Variants in YWHAQ observed in about 807,000 individuals in gnomAD.
YWHAQ encodes the protein tyrosine 3-monooxygenase/tryptophan 5-monooxygenase activation protein theta, also known as 14-3-3 protein theta.
Under a neutral mutation model 28.3 loss-of-function variants are expected in YWHAQ, and 6 were observed. The ratio of observed to expected loss-of-function variants is 0.21; its 90% CI spans 0.12 to 0.42. The LOEUF (loss-of-function observed/expected upper bound fraction) is 0.42. Ranked by LOEUF, YWHAQ falls within the 10% of genes least tolerant of loss-of-function variation. The probability of loss-of-function intolerance (pLI) is 1.00; values close to 1 mark genes in which losing one functional copy is unlikely to be tolerated. For synonymous variants in YWHAQ, 143 were observed against 119.1 expected (o/e 1.20, Z -1.31); for missense variants, 201 against 305.6 (o/e 0.66, Z 2.55).
chr2:9,605,163 G>A (rs545696514), intron 2 of YWHAQ, among the ~76,000 whole-genome samples: 42 of 132,530 alleles, frequency 3.2e-4, no homozygotes, highest in African/African-American at 1.1e-3. Context: ...TTTTGAGACA[G>A]GGTCTCACTC....
intron 5 of YWHAQ, among the ~76,000 whole-genome samples, chr2:9,586,699 T>TA: frequency 6.6e-6 from 1 of 152,232 alleles, no homozygotes; most frequent in Admixed American, 6.5e-5. Flanking sequence ...TGCTAATATT[T>TA]AAAAAATCCT....
rs930446569 is a variant in YWHAQ, at chr2:9,587,309, C to T, written c.678+105G>A. On this transcript the variant is annotated intron_variant, in intron 5 of 5. Transcript: ENST00000238081. Reference sequence around the variant, plus strand: ...ATAAAATACTAACACGTATCTCATACTTTCAGCTCGTATGTATCTTCCCTA... The same window carrying T: ...ATAAAATACTAACACGTATCTCATATTTTCAGCTCGTATGTATCTTCCCTA... 2.9e-6 allele frequency: 3 copies of T among 1,018,442 alleles called. No individual in the cohort carries two copies. The South Asian group carries it at 4.9e-5, about 17-fold the overall frequency. 63.1% of individuals were successfully genotyped at this position (1,018,442 alleles called of 1,614,324 possible).
chr2:9,630,961 G>C lies in YWHAQ; in HGVS notation c.-103C>G, dbSNP rs1286499267. 18 of 152,716 alleles carry C rather than the reference G, an allele frequency of 1.2e-4. No homozygotes were observed. Among genetic ancestry groups the C allele is most frequent in the Admixed American group, 1.2e-3 (18 of 15,288 alleles). 9.5% of individuals were successfully genotyped at this position (152,716 alleles called of 1,614,324 possible). ...CTCACCTTCACGTCTCCGCGGCCGC[G>C]ACGCGAGTCCCACCACTTTGATCTG... is the stretch of plus-strand genomic sequence containing the variant. On this transcript the variant is annotated 5_prime_UTR_variant, in exon 1 of 6. Transcript: ENST00000238081. The surrounding 1 kb of genome is among the most constrained non-coding windows in gnomAD (Gnocchi z 5.6).
rs192318359 is a variant in YWHAQ at position 9,584,715 on chromosome 2, G to A, written c.*571C>T. On this transcript the variant is annotated 3_prime_UTR_variant, in exon 6 of 6. Coordinates refer to ENST00000238081, the MANE Select transcript of YWHAQ (RefSeq NM_006826.4). ...ACTCCCTGTTGCCACAGATACACAA[G>A]ACCTCCGTATGTGATACAGGAGCCA... 1.3e-5 allele frequency: 2 copies of A among 152,608 alleles called. No individual in the cohort carries two copies. Among genetic ancestry groups the A allele is most frequent in the Non-Finnish European group, 2.9e-5 (2 of 68,102 alleles). 9.5% of individuals were successfully genotyped at this position (152,608 alleles called of 1,614,324 possible).
intron 2 of YWHAQ, among the ~76,000 whole-genome samples, chr2:9,602,864 TATATATATATATATATATATATA>T: frequency 1.2e-4 from 1 of 8,234 alleles, no homozygotes; most frequent in South Asian, 6.3e-3. Flanking sequence ...AAAAAAAAAA[TATATATATATATATATATATATA>T]TATATATATA....
At chr2:9,612,550 C>G (rs1253929191) in intron 2 of YWHAQ, among the ~76,000 whole-genome samples, 1 of 152,192 alleles carries the variant, frequency 6.6e-6, no homozygotes, top group Non-Finnish European at 1.5e-5. Flanking sequence ...AGTTGGGAAG[C>G]ATTGTCCTGA....
intron 2 of YWHAQ, among the ~76,000 whole-genome samples, chr2:9,621,604 T>TC (rs398104012): frequency 1.3e-5 from 2 of 151,962 alleles, no homozygotes; most frequent in African/African-American, 4.8e-5. Context: ...TAGTTTTTTT[T>TC]CAAAGCAAAA....
intron 2 of YWHAQ, among the ~76,000 whole-genome samples, chr2:9,611,796 G>A (rs1287366333): frequency 1.3e-5 from 2 of 152,060 alleles, no homozygotes; most frequent in Non-Finnish European, 2.9e-5. Flanking sequence ...TCAGCCACCC[G>A]AGTAGCTGGG....
At chr2:9,622,266 ATTT>A (rs890907643) in intron 2 of YWHAQ, among the ~76,000 whole-genome samples, 7 of 151,278 alleles carry the variant, frequency 4.6e-5, no homozygotes, top group African/African-American at 1.5e-4. Flanking sequence ...ATTATTCCTG[ATTT>A]TTTTTCCTAC....
intron 2 of YWHAQ, among the ~76,000 whole-genome samples, chr2:9,601,372 C>T (rs1400374734): frequency 6.6e-6 from 1 of 152,002 alleles, no homozygotes; most frequent in Admixed American, 6.6e-5. Context: ...TGAGGCAGAA[C>T]TGCTTGAACC....
intron 2 of YWHAQ, among the ~76,000 whole-genome samples, chr2:9,598,013 T>TTTTTTTA (rs1666612979): frequency 7.4e-6 from 1 of 134,998 alleles, no homozygotes; most frequent in African/African-American, 2.8e-5. Flanking sequence ...TTTTTTTTTT[T>TTTTTTTA]AGTAGAGACA....
At chr2:9,594,540 C>A (rs1040435303) in intron 2 of YWHAQ, among the ~76,000 whole-genome samples, 10 of 151,928 alleles carry the variant, frequency 6.6e-5, no homozygotes, top group Non-Finnish European at 1.5e-4. Context: ...GTATTTATAC[C>A]GAGAGAAATA....
chr2:9,606,439 C>T (rs1251332468), intron 2 of YWHAQ, among the ~76,000 whole-genome samples: 1 of 151,746 alleles, frequency 6.6e-6, no homozygotes, highest in African/African-American at 2.4e-5. Context: ...AAATAAAAAA[C>T]CTTTTCCAAT....
intron 2 of YWHAQ, among the ~76,000 whole-genome samples, chr2:9,596,816 C>T (rs1287312039): frequency 6.6e-6 from 1 of 152,094 alleles, no homozygotes; most frequent in East Asian, 1.9e-4. Context: ...GATTCTTTGG[C>T]CTCAGCCTCC....
intron 2 of YWHAQ, among the ~76,000 whole-genome samples, chr2:9,612,744 G>C (rs1430903166): frequency 6.6e-6 from 1 of 152,140 alleles, no homozygotes; most frequent in Non-Finnish European, 1.5e-5. Context: ...GCAACACTAA[G>C]TATCTCCAGC....
rs1397521514 is a variant in YWHAQ, at chr2:9,598,011, T to TTTTTTTTTTTG, written c.295-6497_295-6496insCAAAAAAAAAA. The stretch of plus-strand genomic sequence containing the variant: ...TTTTTTTTTTTTTTTTTTTTTTTTT[T>TTTTTTTTTTTG]TTAGTAGAGACAAGGTTTCTCCATG... On this transcript the variant is annotated intron_variant, in intron 2 of 5. Transcript: ENST00000238081. 3.2e-4 allele frequency among the ~76,000 whole-genome samples: 44 copies of TTTTTTTTTTTG among 137,096 alleles called. 1 individual carries two copies. The highest frequency in any genetic ancestry group is 5.0e-4 in the Non-Finnish European group (31 of 62,520). The allele number at this position is 137,096 out of a possible 152,430, so 89.9% of individuals were successfully genotyped here. A position where few individuals can be genotyped will look rare whatever the true frequency, so the allele number is the denominator to read the frequency against.
intron 2 of YWHAQ, among the ~76,000 whole-genome samples, chr2:9,597,774 G>T (rs1666603596): frequency 6.7e-6 from 1 of 150,364 alleles, no homozygotes; most frequent in Admixed American, 6.6e-5. Context: ...AAAATTTTCA[G>T]AGATAGAAGC....
At chr2:9,621,998 G>GACACAAGGAGGGGAACATC (rs1463449250) in intron 2 of YWHAQ, among the ~76,000 whole-genome samples, 1 of 152,070 alleles carries the variant, frequency 6.6e-6, no homozygotes, top group African/African-American at 2.4e-5. Context: ...AGAACACATG[G>GACACAAGGAGGGGAACATC]ACACAAGGAG....
chr2:9,611,616 C>T lies in YWHAQ; in HGVS notation c.294+18543G>A, dbSNP rs572470955. On this transcript the variant is annotated intron_variant, in intron 2 of 5. Coordinates refer to ENST00000238081, the MANE Select transcript of YWHAQ (RefSeq NM_006826.4). ...CTAACTTCTCTGTAGTGTTACATGG[C>T]TTAGTATCCTTACATATTTTGAAAT... Among the ~76,000 whole-genome samples the T allele has an allele frequency of 1.6e-3, 241 of 152,306 alleles. 1 individual carries two copies. Among genetic ancestry groups the T allele is most frequent in the African/African-American group, 5.4e-3 (223 of 41,564 alleles).
Sources: allele counts gnomAD v4.1 joint callset (sites outside exome capture counted in the v4.1 genomes callset), GRCh38; gene constraint gnomAD v4.1.1; non-coding constraint Gnocchi (gnomAD v3.1); transcripts MANE v1.5; gene names NCBI Gene and HGNC (gene_info 2026-07-23, HGNC 2026-07-21).